PCDHA3: variants seen among roughly 807,000 people sequenced by gnomAD.
PCDHA3 encodes the protein protocadherin alpha-3.
PCDHA3 carries 41 observed loss-of-function variants against 62.2 expected under a neutral mutation model. The observed-to-expected ratio is 0.66, with a 90% CI of 0.51 to 0.86. The LOEUF (loss-of-function observed/expected upper bound fraction) is 0.86, where lower values mean the gene tolerates loss of function less well. Ranked by LOEUF, PCDHA3 falls within the 40% of genes least tolerant of loss-of-function variation. PCDHA3 has a pLI of 0.00. For synonymous variants in PCDHA3, 640 were observed against 555.4 expected, an observed-to-expected ratio of 1.15 and a Z score of -2.14; for missense variants, 1,304 against 1,241.2, an observed-to-expected ratio of 1.05 and a Z score of -0.76.
chr5:140,857,735 G>C (rs782288464), intron 1 of PCDHA3: 8 of 1,597,222 alleles, frequency 5.0e-6, no homozygotes, highest in South Asian at 1.1e-5. Flanking sequence ...CAACGCTCCC[G>C]CGCTGCTGGC....
intron 1 of PCDHA3, chr5:140,836,157 G>A (rs2150254365): frequency 1.2e-6 from 2 of 1,613,822 alleles, no homozygotes; most frequent in Admixed American, 1.7e-5. Flanking sequence ...CCATGTGGTG[G>A]CGAAGGTACG....
At chr5:140,956,906 A>G (rs2095319439) in intron 1 of PCDHA3, among the ~76,000 whole-genome samples, 1 of 152,218 alleles carries the variant, frequency 6.6e-6, no homozygotes, top group Non-Finnish European at 1.5e-5. Flanking sequence ...TCTTAAATGT[A>G]TAAACTTTAA....
chr5:140,907,997 T>G (rs1352895327), intron 1 of PCDHA3, among the ~76,000 whole-genome samples: 1 of 152,186 alleles, frequency 6.6e-6, no homozygotes, highest in East Asian at 1.9e-4. Flanking sequence ...TCCTTAACCA[T>G]CCAGCCAAAC....
At chr5:140,935,047 A>G (rs782161261) in intron 1 of PCDHA3, among the ~76,000 whole-genome samples, 11 of 152,140 alleles carry the variant, frequency 7.2e-5, no homozygotes, top group Admixed American at 3.3e-4. Flanking sequence ...GATTTCTGGT[A>G]TTACAAGATG....
intron 1 of PCDHA3, among the ~76,000 whole-genome samples, chr5:140,894,449 A>G (rs1227566097): frequency 6.6e-6 from 1 of 151,950 alleles, no homozygotes; most frequent in Non-Finnish European, 1.5e-5. Flanking sequence ...TCTTTTTTAA[A>G]AAATATTTTA....
intron 1 of PCDHA3, chr5:140,807,096 GA>G: frequency 7.2e-7 from 1 of 1,390,120 alleles, no homozygotes; most frequent in Non-Finnish European, 9.9e-7. Context: ...CTGAAATATG[GA>G]GGATGCAGCT....
intron 1 of PCDHA3, chr5:140,856,383 C>A (rs1053203263): frequency 3.8e-6 from 6 of 1,598,432 alleles, no homozygotes; most frequent in Non-Finnish European, 5.1e-6. Flanking sequence ...GTGGACAGGC[C>A]GCTGCAGGTT....
rs11350929 is a variant in PCDHA3, at chr5:140,972,660, ATTT to A, written c.2395-6269_2395-6267del. Among the ~76,000 whole-genome samples, 687 of 117,242 alleles carry A rather than the reference ATTT, an allele frequency of 5.9e-3. 9 individuals carry two copies. Among genetic ancestry groups the A allele is most frequent in the African/African-American group, 0.021 (630 of 30,162 alleles). 76.9% of individuals were successfully genotyped at this position (117,242 alleles called of 152,430 possible). A position where few individuals can be genotyped will look rare whatever the true frequency, so the allele number is the denominator to read the frequency against. On this transcript the variant is annotated intron_variant, in intron 1 of 3. Coordinates refer to ENST00000522353, the MANE Select transcript of PCDHA3 (RefSeq NM_018906.3). ...CAGAGTCTCCATAAAAAGAAACCAAATTTTTTTTTTTTTTTTTTTTTTGAGATG... is the reference window on the plus strand; with the variant it reads ...CAGAGTCTCCATAAAAAGAAACCAAATTTTTTTTTTTTTTTTTTTGAGATG...
chr5:140,987,850 A>G lies in PCDHA3; in HGVS notation c.2542+5287A>G, dbSNP rs115051779. Among the ~76,000 whole-genome samples, 1,266 of 152,242 alleles carry G rather than the reference A, an allele frequency of 8.3e-3. 21 individuals are homozygous for G. Among genetic ancestry groups the G allele is most frequent in the African/African-American group, 0.028 (1,145 of 41,532 alleles). On this transcript the variant is annotated intron_variant, in intron 3 of 3. Coordinates refer to ENST00000522353, the MANE Select transcript of PCDHA3 (RefSeq NM_018906.3). ...GGGATTGCTTTTGCCCTGATTTGCCACATCTCTTTACTCTGTGGAAAATGG... is the reference window on the plus strand; with the variant it reads ...GGGATTGCTTTTGCCCTGATTTGCCGCATCTCTTTACTCTGTGGAAAATGG...
chr5:140,953,464 T>C (rs2094890309), intron 1 of PCDHA3, among the ~76,000 whole-genome samples: 1 of 152,142 alleles, frequency 6.6e-6, no homozygotes. Flanking sequence ...GTCAGAGTTT[T>C]AACTTCCTCA....
chr5:140,926,698 C>G, intron 1 of PCDHA3: 2 of 787,702 alleles, frequency 2.5e-6, no homozygotes, highest in Non-Finnish European at 3.6e-6. Context: ...AAGCCCGGCT[C>G]CCAGCTGGCC....
Position 140,838,077 on chromosome 5 carries a change from AGTGTGTGTGTGTGTG to A in PCDHA3, c.2394+34487_2394+34501del, listed in dbSNP as rs1775482926. Among the ~76,000 whole-genome samples, 4 of 80,664 alleles carry A rather than the reference AGTGTGTGTGTGTGTG, an allele frequency of 5.0e-5. 1 individual carries two copies. Among genetic ancestry groups the A allele is most frequent in the African/African-American group, 2.5e-4 (4 of 16,244 alleles). The allele number at this position is 80,664 out of a possible 152,430, so 52.9% of individuals were successfully genotyped here. On this transcript the variant is annotated intron_variant, in intron 1 of 3. Transcript: ENST00000522353. ...TTTCCACTTTAAGTTATATATATATAGTGTGTGTGTGTGTGTGTGTGTGTGTGTGTGTGTGTGTGT... is the reference window on the plus strand; with the variant it reads ...TTTCCACTTTAAGTTATATATATATATGTGTGTGTGTGTGTGTGTGTGTGT...
chr5:140,849,488 T>C, intron 1 of PCDHA3: 2 of 1,592,030 alleles, frequency 1.3e-6, no homozygotes, highest in South Asian at 1.1e-5. Flanking sequence ...CACCCCTGGC[T>C]GGTCATTGTA....
intron 1 of PCDHA3, among the ~76,000 whole-genome samples, chr5:140,925,358 C>A (rs1554202714): frequency 8.5e-5 from 13 of 152,094 alleles, no homozygotes; most frequent in Non-Finnish European, 1.9e-4. Flanking sequence ...GAATTTAGTG[C>A]TTCATAGTCA....
intron 1 of PCDHA3, chr5:140,834,530 G>A: frequency 6.2e-7 from 1 of 1,614,068 alleles, no homozygotes; most frequent in Non-Finnish European, 8.5e-7. Context: ...GCCGCATCGC[G>A]CAGGACCTGG....
In PCDHA3 at chr5:140,803,192, G is replaced by A. The variant is rs17844262; in HGVS notation, c.1995G>A (p.Val665=). ...CCTCATTGACCGCCACGGCCACTGT[G>A]CTGGTGTCGCTGGTGGAGAGTGGCC... is the stretch of plus-strand genomic sequence containing the variant. ...GEPSLTATAT[V]LVSLVESGQA... Residue 665 remains valine (V), a synonymous_variant, in exon 1 of 4, where the codon GTG becomes GTA. Transcript: ENST00000522353. The A allele has an allele frequency of 5.0e-6, 8 of 1,613,814 alleles. No homozygotes were observed. The South Asian group carries it at 6.6e-5, about 13-fold the overall frequency.
At chr5:140,863,858 G>A (rs2048210654) in intron 1 of PCDHA3, 1 of 177,150 alleles carries the variant, frequency 5.6e-6, no homozygotes, top group Non-Finnish European at 1.2e-5. Flanking sequence ...AAAATTAGCT[G>A]GGTGTGGTGG....
rs1324485924 is a variant in PCDHA3, at chr5:140,805,189, A to G, written c.2394+1598A>G. The G allele has an allele frequency of 4.1e-6, 6 of 1,470,702 alleles. No individual in the cohort carries two copies. In the African/African-American group the frequency reaches 5.7e-5, roughly 14 times the overall value. The allele number at this position is 1,470,702 out of a possible 1,614,324, so 91.1% of individuals were successfully genotyped here. On this transcript the variant is annotated intron_variant, in intron 1 of 3. Transcript: ENST00000522353. ...TGTACTGATGCTATGCCAAATAAAT[A>G]TTGAATAGCTACCAAATAAACATTG...
At chr5:140,977,911 A>T (rs2096780139) in intron 1 of PCDHA3, among the ~76,000 whole-genome samples, 1 of 152,002 alleles carries the variant, frequency 6.6e-6, no homozygotes, top group Non-Finnish European at 1.5e-5. Flanking sequence ...TTTATCCCCC[A>T]TTTTTTTCAT....
Sources: allele counts gnomAD v4.1 joint callset (sites outside exome capture counted in the v4.1 genomes callset), GRCh38; gene constraint gnomAD v4.1.1; transcripts MANE v1.5; gene names NCBI Gene and HGNC (gene_info 2026-07-23, HGNC 2026-07-21).